The following HIP1 variants were observed in gnomAD, a reference collection of about 807,000 sequenced individuals.
HIP1 encodes the protein huntingtin-interacting protein 1.
A neutral mutation model predicts 147.6 loss-of-function variants in HIP1; 65 were observed. That is an observed-to-expected ratio of 0.44 (90% CI 0.36 to 0.54). The LOEUF is 0.54. Among genes scored for constraint, HIP1 ranks in the 20% least tolerant of loss-of-function variants. The probability of loss-of-function intolerance (pLI) is 0.00; values close to 1 mark genes in which losing one functional copy is unlikely to be tolerated. For synonymous variants in HIP1, 479 were observed against 504.0 expected (o/e 0.95, Z 0.67); for missense variants, 1,061 against 1,299.6 (o/e 0.82, Z 2.82).
intron 1 of HIP1, among the ~76,000 whole-genome samples, chr7:75,647,178 C>T (rs1798823765): frequency 8.3e-6 from 1 of 121,188 alleles, no homozygotes; most frequent in South Asian, 2.8e-4. Flanking sequence ...CCAGCCTGGC[C>T]AATATGGCGA....
At chr7:75,584,063 C>T (rs962097790) in intron 5 of HIP1, among the ~76,000 whole-genome samples, 2 of 151,804 alleles carry the variant, frequency 1.3e-5, no homozygotes, top group African/African-American at 2.4e-5. Context: ...TGGGTTCAAG[C>T]GATTCTCCTG....
At chr7:75,589,904 G>A (rs1452165705) in intron 4 of HIP1, among the ~76,000 whole-genome samples, 1 of 151,568 alleles carries the variant, frequency 6.6e-6, no homozygotes, top group Non-Finnish European at 1.5e-5. Flanking sequence ...CTAATTTTCT[G>A]TATTTTTTTA....
chr7:75,629,501 CAT>C (rs1554508546), intron 1 of HIP1, among the ~76,000 whole-genome samples: 1 of 152,002 alleles, frequency 6.6e-6, no homozygotes, highest in African/African-American at 2.4e-5. Flanking sequence ...ATTCAGCACC[CAT>C]TGTGCATCCT....
intron 5 of HIP1, among the ~76,000 whole-genome samples, chr7:75,583,870 C>T (rs962348674): frequency 2.0e-5 from 3 of 151,420 alleles, no homozygotes; most frequent in Admixed American, 6.6e-5. Flanking sequence ...TCAGGTGATC[C>T]GCCCGCCTTG....
At chr7:75,614,392 GAC>G (rs148907808) in intron 1 of HIP1, among the ~76,000 whole-genome samples, 63 of 150,210 alleles carry the variant, frequency 4.2e-4, no homozygotes, top group East Asian at 1.8e-3. Flanking sequence ...CACACACATA[GAC>G]ACACACACAC....
chr7:75,547,989 CA>C lies in HIP1; in HGVS notation c.2407-177del, dbSNP rs587704259. On this transcript the variant is annotated intron_variant, in intron 23 of 30. Transcript: ENST00000336926. ...AAAAGAATCCAGACTCTAACCTATT[CA>C]GGGGGAGTGCAGCTGCAGTGGGCTG... is the stretch of plus-strand genomic sequence containing the variant. Among the ~76,000 whole-genome samples, 568 of 152,170 alleles carry C rather than the reference CA, an allele frequency of 3.7e-3. 3 individuals carry two copies. Among genetic ancestry groups the C allele is most frequent in the African/African-American group, 0.013 (541 of 41,524 alleles).
intron 1 of HIP1, among the ~76,000 whole-genome samples, chr7:75,677,692 T>C (rs144777032): frequency 5.7e-4 from 87 of 151,858 alleles, no homozygotes; most frequent in African/African-American, 2.1e-3. Context: ...TATTCTCTGT[T>C]GCTGCCTAAT....
Position 75,558,486 on chromosome 7 carries a change from C to T in HIP1, c.1376-231G>A, listed in dbSNP as rs587753071. ...CTGAGTAGCTGGGTTCATGGGCACA[C>T]GCCACCACACCCGGCTAATTTTTGT... On this transcript the variant is annotated intron_variant, in intron 14 of 30. Transcript: ENST00000336926. Among the ~76,000 whole-genome samples, 70 of 152,254 alleles carry T rather than the reference C, an allele frequency of 4.6e-4. 1 individual carries two copies. The South Asian group carries it at 0.013, about 28-fold the overall frequency.
chr7:75,552,996 T>C (rs1270277706), intron 22 of HIP1, among the ~76,000 whole-genome samples: 1 of 151,986 alleles, frequency 6.6e-6, no homozygotes, highest in Non-Finnish European at 1.5e-5. Flanking sequence ...TGGAGTGCAA[T>C]GGCATGATCT....
intron 1 of HIP1, among the ~76,000 whole-genome samples, chr7:75,729,305 CAAAAAA>C (rs35202804): frequency 2.0e-5 from 1 of 49,208 alleles, no homozygotes; most frequent in Non-Finnish European, 3.5e-5. Context: ...CTTGTCTCTG[CAAAAAA>C]AAAAAAAAAA....
chr7:75,646,675 C>T (rs1554511156), intron 1 of HIP1, among the ~76,000 whole-genome samples: 1 of 152,374 alleles, frequency 6.6e-6, no homozygotes, highest in East Asian at 1.9e-4. Flanking sequence ...CTTGGCACAG[C>T]AAGGGCTGAG....
chr7:75,561,487 G>A, intron 12 of HIP1, 86 bp from the exon 13 acceptor site: 1 of 879,232 alleles, frequency 1.1e-6, no homozygotes, highest in Non-Finnish European at 1.9e-6. Context: ...GAAATTAAAA[G>A]CTGGTATTAA....
chr7:75,672,851 T>C (rs1262839972), intron 1 of HIP1, among the ~76,000 whole-genome samples: 3 of 152,128 alleles, frequency 2.0e-5, no homozygotes, highest in Non-Finnish European at 2.9e-5. Context: ...TTTTTGTGTA[T>C]AGCGTGAAGA....
intron 19 of HIP1, among the ~76,000 whole-genome samples, chr7:75,555,098 G>T (rs587770567): frequency 6.7e-6 from 1 of 149,050 alleles, no homozygotes; most frequent in African/African-American, 2.5e-5. Context: ...GAGTGGGGAG[G>T]ATTGTGTGAG....
chr7:75,551,025 TGA>T (rs1238442718), intron 22 of HIP1, among the ~76,000 whole-genome samples: 1 of 151,926 alleles, frequency 6.6e-6, no homozygotes, highest in Non-Finnish European at 1.5e-5. Context: ...CAATAGATAA[TGA>T]GAGAGCAGTG....
At position 75,581,988 on chromosome 7, in the gene HIP1, C is replaced by T. The variant is rs587638225; in HGVS notation, c.542+87G>A. 1,063 of 1,092,946 alleles carry T rather than the reference C, an allele frequency of 9.7e-4. 10 individuals carry two copies. In the Middle Eastern group the frequency reaches 0.023, roughly 24 times the overall value. 67.7% of individuals were successfully genotyped at this position (1,092,946 alleles called of 1,614,324 possible). ...TCCCCATCCCAGCCACGGCCTCCCC[C>T]CATCAGGCCCTCCATGACCCTTATG... is the stretch of plus-strand genomic sequence containing the variant. On this transcript the variant is annotated intron_variant, in intron 6 of 30. Transcript: ENST00000336926.
At position 75,607,064 on chromosome 7, in the gene HIP1, T is replaced by TA. The variant is rs1221740314; in HGVS notation, c.121-7818dup. ...GGGCAATAGAGCGAGACCCCATCTC[T>TA]AAAAAAAAATTTTTTTTTAAATAGC... On this transcript the variant is annotated intron_variant, in intron 1 of 30. Coordinates refer to ENST00000336926, the MANE Select transcript of HIP1 (RefSeq NM_005338.7). Among the ~76,000 whole-genome samples, 5 of 151,074 alleles carry TA rather than the reference T, an allele frequency of 3.3e-5. No individual in the cohort carries two copies. In the East Asian group the frequency reaches 5.8e-4, roughly 18 times the overall value.
At chr7:75,543,961 A>G (rs1317830400) in intron 27 of HIP1, among the ~76,000 whole-genome samples, 1 of 152,136 alleles carries the variant, frequency 6.6e-6, no homozygotes, top group Non-Finnish European at 1.5e-5. Context: ...TCACAAGGTC[A>G]GGAGATCGAG....
rs1795244981 is a variant in HIP1, at chr7:75,562,020, C to T, written c.1118+53G>A. Reference sequence around the variant, plus strand: ...TCTTTGGTTAGTGTTTTGAGGCAGACCATGGCTTAACTTAGCTCCTGAACC... The same window carrying T: ...TCTTTGGTTAGTGTTTTGAGGCAGATCATGGCTTAACTTAGCTCCTGAACC... On this transcript the variant is annotated intron_variant, in intron 12 of 30. Transcript: ENST00000336926. 1.6e-5 allele frequency: 16 copies of T among 1,028,164 alleles called. 2 individuals carry two copies. In the South Asian group the frequency reaches 1.9e-4, roughly 12 times the overall value. The allele number at this position is 1,028,164 out of a possible 1,614,324, so 63.7% of individuals were successfully genotyped here. A position where few individuals can be genotyped will look rare whatever the true frequency, so the allele number is the denominator to read the frequency against.
Sources: gnomAD v4.1 joint callset for allele counts (sites outside exome capture counted in the v4.1 genomes callset) on GRCh38, gnomAD v4.1.1 for gene constraint, MANE v1.5 for transcripts, NCBI Gene and HGNC (gene_info 2026-07-23, HGNC 2026-07-21) for gene names.